Variants in ULK4 observed in about 807,000 individuals in gnomAD.
The protein encoded by ULK4 is inactive serine/threonine-protein kinase ULK4.
ULK4 carries 133 observed loss-of-function variants against 160.6 expected under a neutral mutation model. That is an observed-to-expected ratio of 0.83 (90% confidence interval 0.72 to 0.96). The LOEUF (loss-of-function observed/expected upper bound fraction) is 0.96, where lower values mean the gene tolerates loss of function less well. Among genes scored for constraint, ULK4 ranks in the 40% least tolerant of loss-of-function variants. The pLI is 0.00. For missense variants in ULK4, 1,580 were observed against 1,499.5 expected, an observed-to-expected ratio of 1.05 and a Z score of -0.89; for synonymous variants, 534 against 539.8, an observed-to-expected ratio of 0.99 and a Z score of 0.15.
At chr3:41,766,077 T>C (rs952873386) in intron 21 of ULK4, among the ~76,000 whole-genome samples, 1 of 151,896 alleles carries the variant, frequency 6.6e-6, no homozygotes, top group Non-Finnish European at 1.5e-5. Flanking sequence ...AAGACCAGCC[T>C]GGCCAAGACG....
chr3:41,555,301 A>C (rs1795371), intron 32 of ULK4, among the ~76,000 whole-genome samples: 1 of 150,392 alleles, frequency 6.6e-6, no homozygotes, highest in Admixed American at 6.6e-5. Context: ...GCATCTATAA[A>C]GAACTTAAAC....
chr3:41,789,949 G>A, intron 20 of ULK4, 106 bp from the exon 21 acceptor site: 2 of 1,051,452 alleles, frequency 1.9e-6, no homozygotes, highest in Non-Finnish European at 1.3e-6. Context: ...GTGCTTACTT[G>A]GCTCTTTTAT....
At chr3:41,393,140 G>A (rs1392912260) in intron 35 of ULK4, among the ~76,000 whole-genome samples, 1 of 152,136 alleles carries the variant, frequency 6.6e-6, no homozygotes, top group Non-Finnish European at 1.5e-5. Context: ...ATGGACTGAA[G>A]ACCACAAGTG....
chr3:41,958,835 C>T (rs1700573084), intron 1 of ULK4, among the ~76,000 whole-genome samples: 1 of 151,960 alleles, frequency 6.6e-6, no homozygotes, highest in South Asian at 2.1e-4. Flanking sequence ...TTTTACAGAC[C>T]TTATGGTTTC....
intron 30 of ULK4, among the ~76,000 whole-genome samples, chr3:41,649,845 G>A (rs1258986681): frequency 3.3e-5 from 5 of 152,228 alleles, no homozygotes; most frequent in Non-Finnish European, 1.5e-5. Context: ...GAAGCCTGGT[G>A]ACCGGCTGCC....
At chr3:41,590,194 G>C (rs575566789) in intron 31 of ULK4, among the ~76,000 whole-genome samples, 5 of 151,772 alleles carry the variant, frequency 3.3e-5, no homozygotes, top group African/African-American at 1.2e-4. Flanking sequence ...AGTAGAGACA[G>C]GGTTTTACCC....
intron 35 of ULK4, among the ~76,000 whole-genome samples, chr3:41,251,941 A>G (rs747600065): frequency 3.3e-5 from 5 of 152,164 alleles, no homozygotes; most frequent in Non-Finnish European, 5.9e-5. Context: ...CTCACCCCCA[A>G]CCTGTGTATG....
intron 35 of ULK4, among the ~76,000 whole-genome samples, chr3:41,297,604 T>C (rs904672903): frequency 6.6e-6 from 1 of 152,140 alleles, no homozygotes; most frequent in Non-Finnish European, 1.5e-5. Flanking sequence ...CAAATCAGTG[T>C]CCTTTGGGAG....
chr3:41,780,468 C>A (rs1187858264), intron 21 of ULK4, among the ~76,000 whole-genome samples: 1 of 152,068 alleles, frequency 6.6e-6, no homozygotes, highest in African/African-American at 2.4e-5. Context: ...ACGAAGCACA[C>A]AGATTCAAGA....
rs193066192 is a variant in ULK4, at chr3:41,418,346, G to C, written c.3493-20082C>G. Among the ~76,000 whole-genome samples, 372 of 146,424 alleles carry C rather than the reference G, an allele frequency of 2.5e-3. 5 individuals carry two copies. Among genetic ancestry groups the C allele is most frequent in the Non-Finnish European group, 4.0e-3 (265 of 66,688 alleles). Reference sequence around the variant, plus strand: ...ATACTTTTTTTCTTAATTTGGCGGGGGGGGGGGCACGTTTCTAAGCTACAC... The same window carrying C: ...ATACTTTTTTTCTTAATTTGGCGGGCGGGGGGGCACGTTTCTAAGCTACAC... On this transcript the variant is annotated intron_variant, in intron 34 of 36. Coordinates refer to ENST00000301831, the MANE Select transcript of ULK4 (RefSeq NM_017886.4).
chr3:41,945,932 T>C (rs1700099471), intron 2 of ULK4, among the ~76,000 whole-genome samples: 1 of 152,200 alleles, frequency 6.6e-6, no homozygotes, highest in South Asian at 2.1e-4. Flanking sequence ...ACTTTAAATA[T>C]GTATTCAGAC....
rs577808076 is a variant in ULK4 at position 41,881,634 on chromosome 3, T to C, written c.1656+2240A>G. 4.2e-4 allele frequency among the ~76,000 whole-genome samples: 64 copies of C among 152,322 alleles called. 1 individual carries two copies. The highest frequency in any genetic ancestry group is 1.4e-3 in the African/African-American group (59 of 41,564). On this transcript the variant is annotated intron_variant, in intron 17 of 36. Coordinates refer to ENST00000301831, the MANE Select transcript of ULK4 (RefSeq NM_017886.4). ...AAGCTCTCTATTATCCAACCAAATG[T>C]AGTTCACAATACAGTGTAATTCAAA...
rs761219601 is a variant in ULK4 at position 41,403,672 on chromosome 3, G to T, written c.3493-5408C>A. Among the ~76,000 whole-genome samples, 7 of 151,998 alleles carry T rather than the reference G, an allele frequency of 4.6e-5. No individual in the cohort carries two copies. In the East Asian group the frequency reaches 9.7e-4, roughly 21 times the overall value. On this transcript the variant is annotated intron_variant, in intron 34 of 36. Transcript: ENST00000301831. ...CAATTTTTCTAGTTTATGGAGGTGA[G>T]AACTTAGATTATTGATTTAAAATCT... is the stretch of plus-strand genomic sequence containing the variant.
At chr3:41,386,501 T>C (rs1189600818) in intron 35 of ULK4, among the ~76,000 whole-genome samples, 1 of 152,136 alleles carries the variant, frequency 6.6e-6, no homozygotes, top group Admixed American at 6.6e-5. Flanking sequence ...AAAGAAATGT[T>C]TGAATCACTT....
At chr3:41,828,595 C>G (rs374421181) in intron 18 of ULK4, among the ~76,000 whole-genome samples, 7,999 of 107,776 alleles carry the variant, frequency 0.074, 412 homozygotes, top group African/African-American at 0.17. Flanking sequence ...CAAGGGATGT[C>G]AAGGACCTCT....
intron 35 of ULK4, among the ~76,000 whole-genome samples, chr3:41,306,317 C>G (rs2079931782): frequency 7.5e-6 from 1 of 132,646 alleles, no homozygotes; most frequent in South Asian, 2.4e-4. Flanking sequence ...GCCCCTCTGC[C>G]CCGCCAGCCG....
At chr3:41,345,722 A>G (rs2080784569) in intron 35 of ULK4, among the ~76,000 whole-genome samples, 1 of 152,192 alleles carries the variant, frequency 6.6e-6, no homozygotes, top group African/African-American at 2.4e-5. Context: ...GCAAACCACT[A>G]TGGCACACAT....
intron 32 of ULK4, among the ~76,000 whole-genome samples, chr3:41,537,936 T>C (rs1004732159): frequency 9.2e-5 from 14 of 151,704 alleles, no homozygotes; most frequent in East Asian, 3.9e-4. Context: ...TTTTTTTTTT[T>C]CCAAAATAGG....
chr3:41,566,689 GA>G (rs2087794340), intron 31 of ULK4, among the ~76,000 whole-genome samples: 1 of 152,140 alleles, frequency 6.6e-6, no homozygotes, highest in Non-Finnish European at 1.5e-5. Context: ...AATGGAAAAT[GA>G]GTTATTCTTC....
Sources: gnomAD v4.1 joint callset for allele counts (sites outside exome capture counted in the v4.1 genomes callset) on GRCh38, gnomAD v4.1.1 for gene constraint, MANE v1.5 for transcripts, NCBI Gene and HGNC (gene_info 2026-07-23, HGNC 2026-07-21) for gene names.